The following LIMK2 variants were observed in gnomAD, a reference collection of about 807,000 sequenced individuals.
The protein encoded by LIMK2 is LIM domain kinase 2.
Under a neutral mutation model 75.7 loss-of-function variants are expected in LIMK2, and 35 were observed. The observed-to-expected ratio is 0.46, with a 90% CI of 0.35 to 0.61. The LOEUF is 0.61. LIMK2 is among the 20% of genes least tolerant of loss of function. LIMK2 has a pLI of 0.00. For missense variants in LIMK2, 623 were observed against 831.0 expected (o/e 0.75, Z 3.08); for synonymous variants, 301 against 319.2 (o/e 0.94, Z 0.61).
intron 2 of LIMK2, among the ~76,000 whole-genome samples, chr22:31,228,843 T>A (rs563130399): frequency 6.6e-6 from 1 of 152,120 alleles, no homozygotes; most frequent in African/African-American, 2.4e-5. Context: ...CTTGGGAAGC[T>A]GAGGAGCGAT....
intron 2 of LIMK2, among the ~76,000 whole-genome samples, chr22:31,246,183 GCACACACACACACA>G (rs57524309): frequency 9.6e-5 from 13 of 135,096 alleles, no homozygotes; most frequent in East Asian, 4.2e-4. Flanking sequence ...ACGCACGCAC[GCACACACACACACA>G]CACACACACA....
chr22:31,230,855 C>T (rs2048522013), intron 2 of LIMK2, among the ~76,000 whole-genome samples: 1 of 152,170 alleles, frequency 6.6e-6, no homozygotes, highest in Admixed American at 6.5e-5. Flanking sequence ...TCTCTCCCCT[C>T]ATCCCCATCT....
intron 1 of LIMK2, among the ~76,000 whole-genome samples, chr22:31,215,730 T>C (rs906361979): frequency 6.6e-6 from 1 of 152,160 alleles, no homozygotes; most frequent in African/African-American, 2.4e-5. Flanking sequence ...AAAACTGCCA[T>C]GCTGATCAGT....
chr22:31,259,363 T>G (rs2048815665), intron 4 of LIMK2, 133 bp downstream of exon 4: 4 of 621,446 alleles, frequency 6.4e-6, no homozygotes, highest in Non-Finnish European at 1.2e-5. Context: ...GCAGTGCTCT[T>G]AACCAGCTCT....
chr22:31,273,613 C>T, intron 14 of LIMK2, 106 bp downstream of exon 14: 1 of 850,938 alleles, frequency 1.2e-6, no homozygotes, highest in Non-Finnish European at 2.0e-6. Flanking sequence ...TGACTAAAAT[C>T]AACATGGGTG....
chr22:31,264,397 A>G (rs2048870848), intron 7 of LIMK2, among the ~76,000 whole-genome samples: 1 of 152,232 alleles, frequency 6.6e-6, no homozygotes. Flanking sequence ...GTAAAGCAGG[A>G]GCATACCCCA....
intron 13 of LIMK2, chr22:31,273,101 T>C (rs1202670488): frequency 2.2e-6 from 2 of 912,492 alleles, no homozygotes; most frequent in East Asian, 2.4e-4. Context: ...TCAGAAATGG[T>C]CTGAATACAA....
Position 31,278,367 on chromosome 22 carries a change from C to G in LIMK2, c.1843C>G (p.Leu615Val), listed in dbSNP as rs1182251650. The G allele has an allele frequency of 6.2e-7, 1 of 1,613,992 alleles. No homozygotes were observed. Among genetic ancestry groups the G allele is most frequent in the South Asian group, 1.1e-5 (1 of 91,078 alleles). Residue 615 changes from leucine (L) to valine (V), a missense_variant, in exon 16 of 16, where the codon CTG becomes GTG. Transcript: ENST00000331728. ...GTACCTGGGGGAGCTGGGCATCCCG[C>G]TGCCTGCAGAGCTGGAGGAGTTGGA... ...SLYLGELGIP[L>V]PAELEELDHT...
intron 2 of LIMK2, among the ~76,000 whole-genome samples, chr22:31,246,935 A>C (rs542291584): frequency 6.6e-6 from 1 of 152,328 alleles, no homozygotes; most frequent in South Asian, 2.1e-4. Context: ...CACTTAACAC[A>C]GGGCCTAGAA....
chr22:31,225,523 T>A (rs1250302357), intron 1 of LIMK2, among the ~76,000 whole-genome samples, 197 bp from the exon 2 acceptor site: 1 of 152,228 alleles, frequency 6.6e-6, no homozygotes, highest in East Asian at 1.9e-4. Flanking sequence ...GAGTTCCTTG[T>A]CCCTGGAGAG....
At chr22:31,276,861 G>C in intron 15 of LIMK2, 2 of 1,612,288 alleles carry the variant, frequency 1.2e-6, no homozygotes, top group South Asian at 1.1e-5. Flanking sequence ...GCCAAGGGAA[G>C]GTCACCATCA....
Position 31,262,633 on chromosome 22 carries a change from G to C in LIMK2, c.696G>C (p.Gln232His), listed in dbSNP as rs1162777467. Reference protein sequence around the residue: ...DAISQTSQTLQLLIEHDPVSQ... With the variant: ...DAISQTSQTLHLLIEHDPVSQ... The stretch of plus-strand genomic sequence containing the variant: ...TTAGCCAGACGAGCCAGACACTTCA[G>C]CTGTTGATTGAACATGACCCCGTCT... Residue 232 changes from glutamine (Q) to histidine (H), a missense_variant, in exon 7 of 16, where the codon CAG (glutamine) becomes CAC (histidine). Gln to His is a conservative substitution (Grantham distance 24). Coordinates refer to ENST00000331728, the MANE Select transcript of LIMK2 (RefSeq NM_005569.4). This position sits in a 1 kb window ranked among gnomAD's most constrained non-coding sequence, Gnocchi z 5.0. 1 of 1,614,078 alleles carries C rather than the reference G, an allele frequency of 6.2e-7. No homozygotes were observed. Among genetic ancestry groups the C allele is most frequent in the Non-Finnish European group, 8.5e-7 (1 of 1,179,982 alleles).
intron 8 of LIMK2, among the ~76,000 whole-genome samples, 187 bp from the exon 9 acceptor site, chr22:31,266,797 A>G (rs2048900616): frequency 6.6e-6 from 1 of 152,160 alleles, no homozygotes; most frequent in African/African-American, 2.4e-5. Flanking sequence ...CTCTCCAGGA[A>G]AGAGGGTTTG....
At chr22:31,249,108 T>C (rs764971445) in intron 2 of LIMK2, among the ~76,000 whole-genome samples, 1 of 152,190 alleles carries the variant, frequency 6.6e-6, no homozygotes. Flanking sequence ...GAGTGCTGTT[T>C]CCAGCTCTCA....
chr22:31,213,188 G>A (rs1002374094), intron 1 of LIMK2, among the ~76,000 whole-genome samples: 2 of 152,134 alleles, frequency 1.3e-5, no homozygotes, highest in Admixed American at 1.3e-4. Context: ...AACACCTCCT[G>A]GAAGGAAGAG....
At chr22:31,277,611 A>G in intron 15 of LIMK2, 1 of 890,492 alleles carries the variant, frequency 1.1e-6, no homozygotes, top group Non-Finnish European at 1.3e-6. Flanking sequence ...AATATCTTTA[A>G]TTTATTAAAA....
At chr22:31,224,230 G>T (rs1251074112) in intron 1 of LIMK2, among the ~76,000 whole-genome samples, 1 of 152,134 alleles carries the variant, frequency 6.6e-6, no homozygotes, top group African/African-American at 2.4e-5. Context: ...TTTGTTTGAG[G>T]CCTCTCTTTT....
intron 2 of LIMK2, among the ~76,000 whole-genome samples, chr22:31,256,977 C>T (rs1601428674): frequency 6.7e-6 from 1 of 148,590 alleles, no homozygotes; most frequent in African/African-American, 2.5e-5. Flanking sequence ...GTCCTGAGAA[C>T]ACACCAGACT....
At chr22:31,253,641 T>C (rs2048747297) in intron 2 of LIMK2, among the ~76,000 whole-genome samples, 1 of 152,214 alleles carries the variant, frequency 6.6e-6, no homozygotes, top group Non-Finnish European at 1.5e-5. Flanking sequence ...TCCGGTGACA[T>C]AGTACAGTGG....
Sources: allele counts gnomAD v4.1 joint callset (sites outside exome capture counted in the v4.1 genomes callset), GRCh38; gene constraint gnomAD v4.1.1; non-coding constraint Gnocchi (gnomAD v3.1); transcripts MANE v1.5; gene names NCBI Gene and HGNC (gene_info 2026-07-23, HGNC 2026-07-21).